The following GPC6 variants were observed in gnomAD, a reference collection of about 807,000 sequenced individuals.
GPC6 encodes the protein glypican 6.
A neutral mutation model predicts 55.2 loss-of-function variants in GPC6; 14 were observed. The observed-to-expected ratio is 0.25, with a 90% CI of 0.17 to 0.40. The LOEUF (loss-of-function observed/expected upper bound fraction) is 0.40. Among genes scored for constraint, GPC6 ranks in the 10% least tolerant of loss-of-function variants. GPC6 has a pLI of 1.00. For missense variants in GPC6, 641 were observed against 708.5 expected, an observed-to-expected ratio of 0.90 and a Z score of 1.08; for synonymous variants, 278 against 259.6, an observed-to-expected ratio of 1.07 and a Z score of -0.68.
chr13:93,225,401 A>C (rs77514925), upstream of GPC6, among the ~76,000 whole-genome samples: 958 of 152,362 alleles, frequency 6.3e-3, 9 homozygotes, highest in African/African-American at 0.022. Flanking sequence ...GTTAGCATAA[A>C]TATTGTGAAA....
chr13:94,054,964 A>C (rs1259032480), intron 4 of GPC6, among the ~76,000 whole-genome samples: 1 of 152,168 alleles, frequency 6.6e-6, no homozygotes, highest in Non-Finnish European at 1.5e-5. Context: ...ACACCTAAAA[A>C]AATCCCCATT....
chr13:94,338,543 T>C (rs1209627383), intron 6 of GPC6, among the ~76,000 whole-genome samples: 1 of 152,172 alleles, frequency 6.6e-6, no homozygotes, highest in African/African-American at 2.4e-5. Flanking sequence ...CCATGGTCCA[T>C]TTTTCCCAAG....
intron 2 of GPC6, among the ~76,000 whole-genome samples, chr13:93,729,600 G>A (rs1054260665): frequency 6.6e-6 from 1 of 152,128 alleles, no homozygotes; most frequent in Non-Finnish European, 1.5e-5. Flanking sequence ...AGGAGCAACC[G>A]GAATTCTCAA....
chr13:93,977,518 GGT>G (rs1288199777), intron 3 of GPC6, among the ~76,000 whole-genome samples: 1 of 93,148 alleles, frequency 1.1e-5, no homozygotes, highest in African/African-American at 3.5e-5. Flanking sequence ...GTGTGTGTGT[GGT>G]GTGTCTTTAT....
intron 3 of GPC6, among the ~76,000 whole-genome samples, chr13:93,879,043 A>G (rs1874783823): frequency 6.6e-6 from 1 of 152,088 alleles, no homozygotes; most frequent in Admixed American, 6.6e-5. Context: ...AGAGTAGTCA[A>G]AAAAGCAAGA....
chr13:93,375,441 A>G (rs1031652998), intron 1 of GPC6, among the ~76,000 whole-genome samples: 4 of 152,190 alleles, frequency 2.6e-5, no homozygotes, highest in Non-Finnish European at 2.9e-5. Flanking sequence ...GCTAAATGCT[A>G]GTACCTGGCT....
At chr13:94,002,884 A>C (rs1881866786) in intron 3 of GPC6, among the ~76,000 whole-genome samples, 1 of 152,188 alleles carries the variant, frequency 6.6e-6, no homozygotes, top group African/African-American at 2.4e-5. Flanking sequence ...CCAATTACAA[A>C]GTGCTTTAAT....
At chr13:93,963,063 G>T (rs912699107) in intron 3 of GPC6, among the ~76,000 whole-genome samples, 1 of 152,070 alleles carries the variant, frequency 6.6e-6, no homozygotes, top group Non-Finnish European at 1.5e-5. Flanking sequence ...AAGCTGTGTA[G>T]CATTTTTTTA....
At chr13:94,030,200 G>A (rs575096394) in intron 4 of GPC6, among the ~76,000 whole-genome samples, 3 of 152,110 alleles carry the variant, frequency 2.0e-5, no homozygotes, top group Non-Finnish European at 4.4e-5. Context: ...TAGTAGAGAC[G>A]GGTTTTCACC....
chr13:93,289,987 T>C (rs1167547235), intron 1 of GPC6, among the ~76,000 whole-genome samples: 7 of 152,196 alleles, frequency 4.6e-5, no homozygotes, highest in African/African-American at 1.7e-4. Context: ...CACTTGAACA[T>C]GCACTTAGCA....
intron 3 of GPC6, among the ~76,000 whole-genome samples, chr13:93,948,121 C>T (rs1157016612): frequency 1.3e-5 from 2 of 152,066 alleles, no homozygotes; most frequent in African/African-American, 2.4e-5. Context: ...TTTAACTTGT[C>T]CAGTCCAGAA....
At position 93,570,479 on chromosome 13, in the gene GPC6, C is replaced by T. The variant is rs1259538780; in HGVS notation, c.319+25058C>T. ...TTTTATCGACTTACAAAAGGCAATG[C>T]TAATGGCCATGCCATTCGATGTTCT... On this transcript the variant is annotated intron_variant, in intron 2 of 8. Coordinates refer to ENST00000377047, the MANE Select transcript of GPC6 (RefSeq NM_005708.5). Among the ~76,000 whole-genome samples the T allele has an allele frequency of 4.6e-5, 7 of 152,126 alleles. No individual in the cohort carries two copies. The East Asian group carries it at 1.3e-3, about 29-fold the overall frequency.
chr13:93,980,191 A>G lies in GPC6; in HGVS notation c.712-47538A>G, dbSNP rs575638795. ...AACTGAGGCTTTTCTCCCCTTTTTA[A>G]TGGGTTGTCACATGATGAATTTAAA... On this transcript the variant is annotated intron_variant, in intron 3 of 8. Transcript: ENST00000377047. 2.0e-5 allele frequency among the ~76,000 whole-genome samples: 3 copies of G among 152,214 alleles called. No individual in the cohort carries two copies. The East Asian group carries it at 5.8e-4, about 29-fold the overall frequency.
intron 2 of GPC6, among the ~76,000 whole-genome samples, chr13:93,802,403 A>C (rs950323185): frequency 3.1e-5 from 4 of 129,082 alleles, no homozygotes; most frequent in African/African-American, 1.3e-4. Context: ...CAAAAAAAGT[A>C]CTTTTTTTTT....
At chr13:94,004,848 G>A (rs1414156941) in intron 3 of GPC6, among the ~76,000 whole-genome samples, 1 of 152,006 alleles carries the variant, frequency 6.6e-6, no homozygotes, top group Non-Finnish European at 1.5e-5. Context: ...CCTGAAGTCA[G>A]GAGTTTGAGA....
chr13:94,149,345 G>T (rs1887661006), intron 4 of GPC6, among the ~76,000 whole-genome samples: 1 of 152,158 alleles, frequency 6.6e-6, no homozygotes, highest in Non-Finnish European at 1.5e-5. Context: ...AGGAAAAGCT[G>T]TGAGAAAGGA....
intron 1 of GPC6, among the ~76,000 whole-genome samples, chr13:93,360,462 C>T (rs973639821): frequency 1.3e-5 from 2 of 152,072 alleles, no homozygotes; most frequent in African/African-American, 4.8e-5. Context: ...AATGAGAGGT[C>T]ATTTTACTGT....
At chr13:93,987,394 A>G (rs1357964910) in intron 3 of GPC6, among the ~76,000 whole-genome samples, 3 of 152,208 alleles carry the variant, frequency 2.0e-5, no homozygotes, top group Non-Finnish European at 1.5e-5. Context: ...AGAAACAGTT[A>G]TTAAAGTTTT....
At chr13:94,164,598 G>C (rs986544732) in intron 4 of GPC6, among the ~76,000 whole-genome samples, 1 of 152,138 alleles carries the variant, frequency 6.6e-6, no homozygotes, top group African/African-American at 2.4e-5. Flanking sequence ...GTTTTAAAAT[G>C]GCTATTAGTG....
Sources: gnomAD v4.1 joint callset for allele counts (sites outside exome capture counted in the v4.1 genomes callset) on GRCh38, gnomAD v4.1.1 for gene constraint, MANE v1.5 for transcripts, NCBI Gene and HGNC (gene_info 2026-07-23, HGNC 2026-07-21) for gene names.